Variants in MAF observed in about 807,000 individuals in gnomAD.
The protein encoded by MAF is transcription factor Maf.
A neutral mutation model predicts 22.0 loss-of-function variants in MAF; 10 were observed. The observed-to-expected ratio is 0.45, with a 90% CI of 0.28 to 0.77. The LOEUF (loss-of-function observed/expected upper bound fraction) is 0.77, where lower values mean the gene tolerates loss of function less well. Among genes scored for constraint, MAF ranks in the 30% least tolerant of loss-of-function variants. The pLI is 0.12. For synonymous variants in MAF, 337 were observed against 255.8 expected, an observed-to-expected ratio of 1.32 and a Z score of -3.03; for missense variants, 544 against 548.4, an observed-to-expected ratio of 0.99 and a Z score of 0.08.
At chr16:79,211,894 G>C in the MAF span, 5 of 1,566,212 alleles carry the variant, frequency 3.2e-6, no homozygotes, top group Non-Finnish European at 4.3e-6. Context: ...CTCCAACACA[G>C]ATCCGCAAGA....
the MAF span, among the ~76,000 whole-genome samples, chr16:79,374,870 G>C: frequency 6.6e-6 from 1 of 152,220 alleles, no homozygotes; most frequent in Non-Finnish European, 1.5e-5. Context: ...AGATATGTTA[G>C]ACAGTCAGGG....
At chr16:79,477,896 G>T in the MAF span, among the ~76,000 whole-genome samples, 1 of 151,628 alleles carries the variant, frequency 6.6e-6, no homozygotes, top group African/African-American at 2.4e-5. Context: ...GCTAATTTTT[G>T]TATTTTTAGT....
chr16:79,266,509 G>T, the MAF span, among the ~76,000 whole-genome samples: 2 of 151,990 alleles, frequency 1.3e-5, no homozygotes, highest in Non-Finnish European at 2.9e-5. Flanking sequence ...TGATAACCAA[G>T]AAAAAAACAA....
chr16:79,589,643 C>A (rs1913066334), downstream of MAF, among the ~76,000 whole-genome samples: 2 of 152,188 alleles, frequency 1.3e-5, no homozygotes, highest in Admixed American at 1.3e-4. Flanking sequence ...CGGAGCCTTG[C>A]GGGACCGAGT....
the MAF span, among the ~76,000 whole-genome samples, chr16:79,541,639 G>C: frequency 6.6e-6 from 1 of 151,284 alleles, no homozygotes; most frequent in African/African-American, 2.4e-5. Flanking sequence ...CTTGTTACCA[G>C]CTAAGCTACT....
the MAF span, among the ~76,000 whole-genome samples, chr16:79,566,293 T>C: frequency 6.6e-6 from 1 of 152,148 alleles, no homozygotes; most frequent in Non-Finnish European, 1.5e-5. Context: ...TTTAGACCAA[T>C]GTGGGACAGA....
the MAF span, among the ~76,000 whole-genome samples, chr16:79,424,015 T>C: frequency 6.6e-6 from 1 of 152,324 alleles, no homozygotes; most frequent in Non-Finnish European, 1.5e-5. Context: ...AAACAGTTCT[T>C]ATTTCATAGG....
chr16:79,233,858 G>C, the MAF span, among the ~76,000 whole-genome samples: 1 of 151,780 alleles, frequency 6.6e-6, no homozygotes, highest in African/African-American at 2.4e-5. Context: ...CGGGTGTGGT[G>C]GTGGGCACCT....
At chr16:79,255,504 A>G in the MAF span, among the ~76,000 whole-genome samples, 1 of 152,320 alleles carries the variant, frequency 6.6e-6, no homozygotes, top group South Asian at 2.1e-4. Context: ...ATGCTTTTAT[A>G]TTTAGGCAGC....
chr16:79,230,443 C>G, the MAF span, among the ~76,000 whole-genome samples: 12 of 152,126 alleles, frequency 7.9e-5, no homozygotes, highest in Non-Finnish European at 1.6e-4. Flanking sequence ...CAGCCTAGAC[C>G]CTGCCCTTGC....
the MAF span, among the ~76,000 whole-genome samples, chr16:79,234,334 A>C: frequency 6.6e-6 from 1 of 152,142 alleles, no homozygotes; most frequent in East Asian, 1.9e-4. Context: ...TAATTTATTA[A>C]AAAGCAATAG....
chr16:79,386,686 G>A, the MAF span, among the ~76,000 whole-genome samples: 1 of 152,230 alleles, frequency 6.6e-6, no homozygotes, highest in African/African-American at 2.4e-5. Flanking sequence ...ATGATGTAAA[G>A]GAGTAGGGAT....
At chr16:79,221,475 A>G in the MAF span, among the ~76,000 whole-genome samples, 2 of 152,226 alleles carry the variant, frequency 1.3e-5, no homozygotes, top group Non-Finnish European at 2.9e-5. Flanking sequence ...AAAAAAATGA[A>G]CACTCATACA....
the MAF span, among the ~76,000 whole-genome samples, chr16:79,311,547 A>T: frequency 6.6e-6 from 1 of 151,256 alleles, no homozygotes; most frequent in African/African-American, 2.4e-5. Flanking sequence ...CTTTCACTGC[A>T]GGCTTTGGAT....
the MAF span, among the ~76,000 whole-genome samples, chr16:79,566,292 A>G: frequency 6.6e-6 from 1 of 152,152 alleles, no homozygotes; most frequent in Non-Finnish European, 1.5e-5. Flanking sequence ...TTTTAGACCA[A>G]TGTGGGACAG....
chr16:79,533,340 C>G, the MAF span, among the ~76,000 whole-genome samples: 57 of 152,294 alleles, frequency 3.7e-4, no homozygotes, highest in South Asian at 0.011. Flanking sequence ...ACCCACCCCA[C>G]TCCTTTTCTA....
the MAF span, among the ~76,000 whole-genome samples, chr16:79,268,512 C>G: frequency 6.6e-6 from 1 of 152,154 alleles, no homozygotes; most frequent in Non-Finnish European, 1.5e-5. Context: ...TATAGGTTAG[C>G]AATTGTGACC....
the MAF span, among the ~76,000 whole-genome samples, chr16:79,515,492 C>T: frequency 6.6e-6 from 1 of 152,190 alleles, no homozygotes; most frequent in Non-Finnish European, 1.5e-5. Flanking sequence ...TGATTTTGCC[C>T]AACTGTAGGC....
the MAF span, among the ~76,000 whole-genome samples, chr16:79,409,174 T>C: frequency 1.3e-5 from 2 of 152,140 alleles, no homozygotes; most frequent in Non-Finnish European, 2.9e-5. Flanking sequence ...TTTAGGCGCC[T>C]TATAAATTGG....
Sources: allele counts gnomAD v4.1 joint callset (sites outside exome capture counted in the v4.1 genomes callset), GRCh38; gene constraint gnomAD v4.1.1; transcripts MANE v1.5; gene names NCBI Gene and HGNC (gene_info 2026-07-23, HGNC 2026-07-21).